The following AKAP8 variants were observed in gnomAD, a reference collection of about 807,000 sequenced individuals.
AKAP8 encodes the protein A-kinase anchor protein 8.
AKAP8 carries 24 observed loss-of-function variants against 67.5 expected under a neutral mutation model. That is an observed-to-expected ratio of 0.36 (90% CI 0.26 to 0.50). The LOEUF (loss-of-function observed/expected upper bound fraction) is 0.50. Ranked by LOEUF, AKAP8 falls within the 20% of genes least tolerant of loss-of-function variation. AKAP8 has a pLI of 0.97. For synonymous variants in AKAP8, 400 were observed against 371.1 expected, an observed-to-expected ratio of 1.08 and a Z score of -0.90; for missense variants, 971 against 955.9, an observed-to-expected ratio of 1.02 and a Z score of -0.21.
intron 3 of AKAP8, 97 bp downstream of exon 3, chr19:15,374,506 A>G: frequency 6.3e-6 from 9 of 1,425,498 alleles, no homozygotes; most frequent in Non-Finnish European, 8.6e-6. Flanking sequence ...CAGAGCCAGA[A>G]AGTCCACGCC....
chr19:15,368,849 A>C, intron 8 of AKAP8: 1 of 985,090 alleles, frequency 1.0e-6, no homozygotes, highest in African/African-American at 1.7e-5. Flanking sequence ...CCCGACCTCT[A>C]TCTTCCACTC....
At chr19:15,368,151 T>A in intron 9 of AKAP8, 84 bp downstream of exon 9, 3 of 1,558,838 alleles carry the variant, frequency 1.9e-6, no homozygotes, top group Non-Finnish European at 2.6e-6. Context: ...CCCCCAGCAT[T>A]GTGGAGCGAG....
rs768168269 is a variant in AKAP8 at position 15,379,737 on chromosome 19, C to G, written c.-6G>C. The G allele has an allele frequency of 1.2e-6, 2 of 1,611,568 alleles. No homozygotes were observed. The highest frequency in any genetic ancestry group is 1.7e-6 in the Non-Finnish European group (2 of 1,179,108). On this transcript the variant is annotated 5_prime_UTR_variant, in exon 1 of 14. Transcript: ENST00000269701. Reference sequence around the variant, plus strand: ...CCTCCGTAGCCCTGGTCCATGTCTTCGACGCGGCCCACCAGCAGCCCCGTT... The same window carrying G: ...CCTCCGTAGCCCTGGTCCATGTCTTGGACGCGGCCCACCAGCAGCCCCGTT...
Position 15,377,030 on chromosome 19 carries a change from G to C in AKAP8, c.20-16C>G. The C allele has an allele frequency of 2.5e-6, 4 of 1,612,050 alleles. No homozygotes were observed. The highest frequency in any genetic ancestry group is 3.4e-6 in the Non-Finnish European group (4 of 1,179,254). ...GCCCCGTAGCCTGCAAGAAGACCCC[G>C]TGAGTTAAAATTCTATTTGTCACAC... On this transcript the variant is annotated splice_polypyrimidine_tract_variant and intron_variant, in intron 1 of 13. Coordinates refer to ENST00000269701, the MANE Select transcript of AKAP8 (RefSeq NM_005858.4).
chr19:15,365,051 T>C (rs781306113), intron 9 of AKAP8, among the ~76,000 whole-genome samples: 1 of 152,288 alleles, frequency 6.6e-6, no homozygotes, highest in Non-Finnish European at 1.5e-5. Flanking sequence ...CGCATAGTAA[T>C]CTGCTGGCAC....
At chr19:15,375,214 G>GAAAGC (rs1568254735) in intron 2 of AKAP8, among the ~76,000 whole-genome samples, 2 of 152,112 alleles carry the variant, frequency 1.3e-5, no homozygotes, top group African/African-American at 2.4e-5. Context: ...TGGCAGAAAG[G>GAAAGC]AGAAAGCCTC....
At chr19:15,368,819 G>A (rs1020664027) in intron 8 of AKAP8, 2 of 985,184 alleles carry the variant, frequency 2.0e-6, no homozygotes, top group African/African-American at 3.5e-5. Flanking sequence ...GGCCTCAGCA[G>A]GTCTGACAGT....
chr19:15,372,302 T>C lies in AKAP8; in HGVS notation c.907A>G (p.Arg303Gly). 1 of 1,614,204 alleles carries C rather than the reference T, an allele frequency of 6.2e-7. No individual in the cohort carries two copies. The highest frequency in any genetic ancestry group is 1.3e-5 in the African/African-American group (1 of 75,048). Residue 303 changes from arginine to glycine, a missense_variant, in exon 6 of 14, where the codon AGG (arginine) becomes GGG (glycine). Around this residue, in one of 3 missense-constraint regions of AKAP8, gnomAD observed 763 missense variants for 745.4 expected, o/e 1.02. Transcript: ENST00000269701. ...FDRFGPDGTGRKRKQFQLYEE... is the reference protein window; with the variant it reads ...FDRFGPDGTGGKRKQFQLYEE... ...TAAAGTTGGAACTGCTTCCGTTTCC[T>C]GCCCGTGCCATCTGGTCCGAAGCGG...
chr19:15,368,869 G>A (rs759650599), intron 8 of AKAP8: 176 of 985,154 alleles, frequency 1.8e-4, no homozygotes, highest in Middle Eastern at 1.6e-3. Context: ...CACAAAAACC[G>A]TCAATCTAGG....
rs1489784994 is a variant in AKAP8 at position 15,373,788 on chromosome 19, C to T, written c.369G>A (p.Glu123=). ...GGAGGGCTTGGGTCCATAATCACCT[C>T]TCCCGGTCCTGTATGCCCTCCCCAC... ...GGGGEGIQDR[E]SSFRFQPFES... is the part of the protein sequence containing the mutation. Residue 123 remains glutamate, a splice_region_variant and synonymous_variant, in exon 4 of 14, where the codon GAG becomes GAA. Coordinates refer to ENST00000269701, the MANE Select transcript of AKAP8 (RefSeq NM_005858.4). 7 of 1,607,198 alleles carry T rather than the reference C, an allele frequency of 4.4e-6. No homozygotes were observed. Among genetic ancestry groups the T allele is most frequent in the Non-Finnish European group, 5.9e-6 (7 of 1,179,336 alleles).
chr19:15,375,413 C>T (rs1599573425), intron 2 of AKAP8, among the ~76,000 whole-genome samples: 1 of 152,170 alleles, frequency 6.6e-6, no homozygotes, highest in Admixed American at 6.5e-5. Context: ...TGCTCTCAGG[C>T]TCTGCCCTCA....
intron 1 of AKAP8, 156 bp downstream of exon 1, chr19:15,379,556 AT>A (rs2145093494): frequency 1.3e-6 from 1 of 764,586 alleles, no homozygotes; most frequent in East Asian, 3.4e-5. Flanking sequence ...CCAAAGCCCA[AT>A]GAGCGGCGCG....
At chr19:15,362,548 C>T (rs560961913) in intron 9 of AKAP8, among the ~76,000 whole-genome samples, 6 of 151,940 alleles carry the variant, frequency 3.9e-5, no homozygotes, top group South Asian at 4.2e-4. Context: ...TTGGTGGAGA[C>T]GGGGTTTCGC....
rs369396055 is a variant in AKAP8 at position 15,373,990 on chromosome 19, G to A, written c.167C>T (p.Ala56Val). 1.2e-6 allele frequency: 2 copies of A among 1,612,830 alleles called. No individual in the cohort carries two copies. The highest frequency in any genetic ancestry group is 2.7e-5 in the African/African-American group (2 of 74,774). Reference protein sequence around the residue: ...TTGATYSYGPASWEAAKANDG... With the variant: ...TTGATYSYGPVSWEAAKANDG... ...ATTGGCCTTGGCGGCCTCCCACGAG[G>A]CTGGGCCGTAGCTGTAGGTTGCGCC... The change falls in exon 4 of 14, where the codon GCC becomes GTC. Residue 56 changes from alanine (A) to valine (V), a missense_variant. By Grantham distance (64) the Ala-to-Val change is moderately conservative. Coordinates refer to ENST00000269701, the MANE Select transcript of AKAP8 (RefSeq NM_005858.4).
rs1363227891 is a variant in AKAP8, at chr19:15,369,024, C to A, written c.1073-702G>T. 3 of 985,530 alleles carry A rather than the reference C, an allele frequency of 3.0e-6. No homozygotes were observed. The highest frequency in any genetic ancestry group is 1.7e-5 in the African/African-American group (1 of 57,216). The allele number at this position is 985,530 out of a possible 1,614,324, so 61.0% of individuals were successfully genotyped here. On this transcript the variant is annotated intron_variant, in intron 8 of 13. Transcript: ENST00000269701. This position sits in a 1 kb window ranked among gnomAD's most constrained non-coding sequence, Gnocchi z 4.6. ...ATCCCAGCATGAGGCCAGGGACGGA[C>A]GCTGAAAAAAGGTTGGAGAAGCATC... is the stretch of plus-strand genomic sequence containing the variant.
At chr19:15,363,454 C>G (rs1258040555) in intron 9 of AKAP8, among the ~76,000 whole-genome samples, 3 of 148,838 alleles carry the variant, frequency 2.0e-5, no homozygotes, top group Admixed American at 6.6e-5. Flanking sequence ...CCCCCCTGCC[C>G]GGCCAGCCGC....
intron 9 of AKAP8, among the ~76,000 whole-genome samples, chr19:15,363,572 A>G (rs1377539994): frequency 1.0e-4 from 14 of 139,420 alleles, no homozygotes; most frequent in Non-Finnish European, 1.9e-4. Context: ...CGCCCCGTCC[A>G]GGAGGTGAGG....
chr19:15,354,494 A>C lies in AKAP8; in HGVS notation c.*421T>G, dbSNP rs1040395929. ...AAAGGCTGAAGCTTGAAACATACAA[A>C]AAAAAATCCTCTATAGAGCAAGATA... On this transcript the variant is annotated 3_prime_UTR_variant, in exon 14 of 14. Coordinates refer to ENST00000269701, the MANE Select transcript of AKAP8 (RefSeq NM_005858.4). The C allele has an allele frequency of 1.7e-5, 3 of 181,656 alleles. No homozygotes were observed. Among genetic ancestry groups the C allele is most frequent in the Admixed American group, 5.3e-5 (1 of 18,740 alleles). The allele number at this position is 181,656 out of a possible 1,614,324, so 11.3% of individuals were successfully genotyped here. A position where few individuals can be genotyped will look rare whatever the true frequency, so the allele number is the denominator to read the frequency against.
At chr19:15,368,912 G>C in intron 8 of AKAP8, 11 of 985,252 alleles carry the variant, frequency 1.1e-5, no homozygotes, top group Non-Finnish European at 1.3e-5. Context: ...AGCAATCCTA[G>C]AAAAAAATTT....
Sources: allele counts gnomAD v4.1 joint callset (sites outside exome capture counted in the v4.1 genomes callset), GRCh38; gene constraint gnomAD v4.1.1; regional missense constraint gnomAD v4.1.1; non-coding constraint Gnocchi (gnomAD v3.1); transcripts MANE v1.5; gene names NCBI Gene and HGNC (gene_info 2026-07-23, HGNC 2026-07-21).